Variants in CATSPERT observed in about 807,000 individuals in gnomAD.
CATSPERT encodes the protein catsper channel auxiliary subunit tau.
the CATSPERT span, among the ~76,000 whole-genome samples, chr2:201,495,209 G>A: frequency 6.6e-6 from 1 of 151,766 alleles, no homozygotes; most frequent in Non-Finnish European, 1.5e-5. Context: ...TGAAACTCAT[G>A]AAAAGTATCA....
the CATSPERT span, among the ~76,000 whole-genome samples, chr2:201,600,948 C>T: frequency 4.6e-5 from 7 of 152,100 alleles, no homozygotes; most frequent in African/African-American, 1.4e-4. Flanking sequence ...GAGTGTTTCA[C>T]CATGTTGGTC....
At chr2:201,561,670 G>C in the CATSPERT span, among the ~76,000 whole-genome samples, 3 of 152,068 alleles carry the variant, frequency 2.0e-5, no homozygotes, top group African/African-American at 7.2e-5. Context: ...TCAGAAGTTC[G>C]AGACCAGCCT....
the CATSPERT span, chr2:201,601,884 A>C: frequency 6.3e-7 from 1 of 1,575,434 alleles, no homozygotes; most frequent in Non-Finnish European, 8.6e-7. Context: ...TTGTAAACTG[A>C]CTGAAAATAG....
the CATSPERT span, among the ~76,000 whole-genome samples, chr2:201,580,326 C>T: frequency 6.6e-6 from 1 of 152,190 alleles, no homozygotes; most frequent in African/African-American, 2.4e-5. Flanking sequence ...TGCGCTGTTA[C>T]TACGGCACCA....
the CATSPERT span, among the ~76,000 whole-genome samples, chr2:201,510,377 G>A: frequency 1.3e-5 from 2 of 152,166 alleles, no homozygotes; most frequent in Non-Finnish European, 2.9e-5. Context: ...CTGGGAGGAG[G>A]AGGTTGCAGT....
At chr2:201,607,861 G>A in the CATSPERT span, among the ~76,000 whole-genome samples, 3 of 152,112 alleles carry the variant, frequency 2.0e-5, no homozygotes, top group Non-Finnish European at 4.4e-5. Context: ...TCATCAGGGT[G>A]GACCCTAATC....
chr2:201,536,467 A>G, the CATSPERT span: 1 of 1,034,020 alleles, frequency 9.7e-7, no homozygotes. Context: ...TTAATTCCTT[A>G]GTAAACATAG....
chr2:201,523,208 CGT>C, the CATSPERT span, among the ~76,000 whole-genome samples: 1 of 152,184 alleles, frequency 6.6e-6, no homozygotes, highest in Non-Finnish European at 1.5e-5. Context: ...ACCCCACTGA[CGT>C]CACTCCAACA....
chr2:201,559,384 C>G, the CATSPERT span, among the ~76,000 whole-genome samples: 22 of 152,342 alleles, frequency 1.4e-4, no homozygotes, highest in South Asian at 4.6e-3. Flanking sequence ...CATCACCAGG[C>G]CAGCAAAGCA....
the CATSPERT span, among the ~76,000 whole-genome samples, chr2:201,580,293 C>T: frequency 1.1e-4 from 17 of 152,202 alleles, no homozygotes; most frequent in African/African-American, 3.9e-4. Context: ...CCACATCTGT[C>T]TATTGTAGAG....
the CATSPERT span, among the ~76,000 whole-genome samples, chr2:201,542,280 A>T: frequency 2.0e-5 from 3 of 152,204 alleles, no homozygotes; most frequent in African/African-American, 7.2e-5. Flanking sequence ...CATCTATGAC[A>T]TTTAGGTTGT....
chr2:201,502,659 C>T, the CATSPERT span, among the ~76,000 whole-genome samples: 1 of 151,746 alleles, frequency 6.6e-6, no homozygotes, highest in Non-Finnish European at 1.5e-5. Flanking sequence ...CCTTTTGCCC[C>T]TCTGAGTAAA....
chr2:201,508,671 G>C, the CATSPERT span, among the ~76,000 whole-genome samples: 13 of 152,338 alleles, frequency 8.5e-5, no homozygotes, highest in Non-Finnish European at 1.5e-4. Flanking sequence ...TTGAGCCTCA[G>C]AGTTTGAGGC....
the CATSPERT span, among the ~76,000 whole-genome samples, chr2:201,611,954 T>C: frequency 2.0e-5 from 3 of 152,224 alleles, no homozygotes; most frequent in African/African-American, 7.2e-5. Context: ...GATTTGCTTC[T>C]GCAGATTCAC....
the CATSPERT span, among the ~76,000 whole-genome samples, chr2:201,567,388 A>G: frequency 3.9e-5 from 6 of 152,234 alleles, no homozygotes; most frequent in African/African-American, 1.4e-4. Flanking sequence ...GGATGTATAT[A>G]TACATAAATA....
At chr2:201,506,448 A>G in the CATSPERT span, among the ~76,000 whole-genome samples, 1 of 152,382 alleles carries the variant, frequency 6.6e-6, no homozygotes, top group Non-Finnish European at 1.5e-5. Flanking sequence ...GTTCAACATT[A>G]GAAAATCTAT....
chr2:201,525,441 T>C, the CATSPERT span, among the ~76,000 whole-genome samples: 1 of 152,140 alleles, frequency 6.6e-6, no homozygotes, highest in Admixed American at 6.5e-5. Flanking sequence ...CCAAGATCTC[T>C]GAGACCCAGC....
At chr2:201,611,318 T>C in the CATSPERT span, among the ~76,000 whole-genome samples, 2 of 152,026 alleles carry the variant, frequency 1.3e-5, no homozygotes, top group Non-Finnish European at 2.9e-5. Context: ...TAACAGGAAA[T>C]TTGGAAAATT....
the CATSPERT span, among the ~76,000 whole-genome samples, chr2:201,571,232 T>C: frequency 6.6e-6 from 1 of 152,216 alleles, no homozygotes; most frequent in African/African-American, 2.4e-5. Context: ...ATAGATAAAG[T>C]ATTTTAATGA....
Sources: gnomAD v4.1 joint callset for allele counts (sites outside exome capture counted in the v4.1 genomes callset) on GRCh38, gnomAD v4.1.1 for gene constraint, MANE v1.5 for transcripts, NCBI Gene and HGNC (gene_info 2026-07-23, HGNC 2026-07-21) for gene names.